TRAF7: variants seen among roughly 807,000 people sequenced by gnomAD.
TRAF7 encodes TNF receptor associated factor 7, also known as E3 ubiquitin-protein ligase TRAF7.
Under a neutral mutation model 89.3 loss-of-function variants are expected in TRAF7, and 45 were observed. That is an observed-to-expected ratio of 0.50 (90% CI 0.40 to 0.65). TRAF7 has a LOEUF of 0.65. TRAF7 is among the 30% of genes least tolerant of loss of function. The pLI is 0.00. For missense variants in TRAF7, 677 were observed against 918.1 expected (o/e 0.74, Z 3.39); for synonymous variants, 406 against 369.2 (o/e 1.10, Z -1.14).
At chr16:2,155,986 G>A (rs1451503652) in intron 1 of TRAF7, 128 bp downstream of exon 1, 1 of 150,934 alleles carries the variant, frequency 6.6e-6, no homozygotes, top group East Asian at 1.9e-4. Context: ...GCGGGGAGGG[G>A]GGGGCGGGGC....
chr16:2,176,297 G>A lies in TRAF7; in HGVS notation c.1911G>A (p.Gln637=). 6.2e-7 allele frequency: 1 copy of A among 1,603,732 alleles called. No homozygotes were observed. The highest frequency in any genetic ancestry group is 8.5e-7 in the Non-Finnish European group (1 of 1,179,268). The change falls in exon 20 of 21, where the codon CAG becomes CAA. Residue 637 remains glutamine, a synonymous_variant. Transcript: ENST00000326181. ...GTATGGACAACATGATCTGCACGCA[G>A]ACCCTGCTGCGTCACCAGGGCAGTG... ...VWSMDNMICT[Q]TLLRHQGSVT...
intron 2 of TRAF7, 90 bp from the exon 3 acceptor site, chr16:2,165,789 G>T (rs1427671882): frequency 8.0e-6 from 12 of 1,493,046 alleles, no homozygotes; most frequent in Non-Finnish European, 1.1e-5. Flanking sequence ...GCCTGGCCTG[G>T]TCGCGTGTTA....
rs2093126334 is a variant in TRAF7 at position 2,174,286 on chromosome 16, G to A, written c.1299G>A (p.Lys433=). The change falls in exon 14 of 21, where the codon AAG becomes AAA. Residue 433 remains lysine (K), a synonymous_variant. Transcript: ENST00000326181. ...CATGTACCACCTACAAGTGTCAGAA[G>A]ACACTGGAGGGCCATGATGGCATCG... ...WDTCTTYKCQ[K]TLEGHDGIVL... The A allele has an allele frequency of 1.9e-6, 3 of 1,613,244 alleles. No individual in the cohort carries two copies. The highest frequency in any genetic ancestry group is 1.1e-5 in the South Asian group (1 of 91,068).
intron 3 of TRAF7, 72 bp downstream of exon 3, chr16:2,166,008 C>A: frequency 6.4e-7 from 1 of 1,574,420 alleles, no homozygotes; most frequent in Non-Finnish European, 8.7e-7. Context: ...CTGCTAAGGA[C>A]TGAGGGACAC....
Position 2,174,247 on chromosome 16 carries a change from G to C in TRAF7, c.1264-4G>C. The C allele has an allele frequency of 6.2e-7, 1 of 1,612,614 alleles. No homozygotes were observed. On this transcript the variant is annotated splice_polypyrimidine_tract_variant and splice_region_variant and intron_variant, in intron 13 of 20. Coordinates refer to ENST00000326181, the MANE Select transcript of TRAF7 (RefSeq NM_032271.3). Reference sequence around the variant, plus strand: ...GGGACCCACTGTGGCCCTGGTCTCTGCAGGTGTGGGACACATGTACCACCT... The same window carrying C: ...GGGACCCACTGTGGCCCTGGTCTCTCCAGGTGTGGGACACATGTACCACCT...
At chr16:2,173,859 T>TGGGGGGGGCCCCCCC in intron 12 of TRAF7, 23 bp downstream of exon 12, 1 of 1,246,212 alleles carries the variant, frequency 8.0e-7, no homozygotes, top group Non-Finnish European at 1.1e-6. Flanking sequence ...CCGCCGTGGC[T>TGGGGGGGGCCCCCCC]CCCGCCCACC....
chr16:2,175,691 G>A (rs2141295962), intron 17 of TRAF7, 69 bp downstream of exon 17: 2 of 1,592,722 alleles, frequency 1.3e-6, no homozygotes, highest in Middle Eastern at 1.8e-4. Flanking sequence ...CCAGCACCTG[G>A]GGCTCCATCT....
rs146381039 is a variant in TRAF7, at chr16:2,159,759, G to T, written c.-39+3901G>T. ...ACAGGCACACCCACCCATGGCTTGC[G>T]CCCCACACATGTTCAGGGGACCCCC... is the stretch of plus-strand genomic sequence containing the variant. On this transcript the variant is annotated intron_variant, in intron 1 of 20. Transcript: ENST00000326181. The surrounding 1 kb of genome is among the most constrained non-coding windows in gnomAD (Gnocchi z 6.5). Among the ~76,000 whole-genome samples the T allele has an allele frequency of 0.016, 2,397 of 152,316 alleles. 43 individuals are homozygous for T. Among genetic ancestry groups the T allele is most frequent in the Non-Finnish European group, 0.023 (1,559 of 68,002 alleles).
chr16:2,168,996 T>A lies in TRAF7; in HGVS notation c.231+828T>A, dbSNP rs910168814. Among the ~76,000 whole-genome samples, 3 of 152,154 alleles carry A rather than the reference T, an allele frequency of 2.0e-5. No homozygotes were observed. The highest frequency in any genetic ancestry group is 2.9e-5 in the Non-Finnish European group (2 of 68,020). On this transcript the variant is annotated intron_variant, in intron 4 of 20. Transcript: ENST00000326181. This position sits in a 1 kb window ranked among gnomAD's most constrained non-coding sequence, Gnocchi z 4.1. ...GGCCTTTTCTTTTTTCCTTTTTTCT[T>A]TTTTTTGAGACGGACTTTTGCTCTT...
Position 2,175,902 on chromosome 16 carries a change from T to G in TRAF7, c.1695T>G (p.Ile565Met). 1 of 1,613,536 alleles carries G rather than the reference T, an allele frequency of 6.2e-7. No individual in the cohort carries two copies. The highest frequency in any genetic ancestry group is 8.5e-7 in the Non-Finnish European group (1 of 1,179,992). The change falls in exon 18 of 21, where the codon ATT becomes ATG. Residue 565 changes from isoleucine (I) to methionine (M), a missense_variant. Physicochemically the swap from Ile to Met is conservative, Grantham distance 10. Around this residue, in one of 6 missense-constraint regions of TRAF7, gnomAD observed 160 missense variants for 263.7 expected, o/e 0.61. Coordinates refer to ENST00000326181, the MANE Select transcript of TRAF7 (RefSeq NM_032271.3). ...CGTCTGGTGGCAGCGTCTACTCCATTGCTGTGACAAATCACCACATTGTCT... is the reference window on the plus strand; with the variant it reads ...CGTCTGGTGGCAGCGTCTACTCCATGGCTGTGACAAATCACCACATTGTCT... ...LQTSGGSVYS[I>M]AVTNHHIVCG...
chr16:2,173,863 G>GCCCCCCCCCCCCC, intron 12 of TRAF7, 27 bp downstream of exon 12: 2 of 894,606 alleles, frequency 2.2e-6, no homozygotes, highest in Non-Finnish European at 3.1e-6. Flanking sequence ...CGTGGCTCCC[G>GCCCCCCCCCCCCC]CCCACCCTCC....
intron 16 of TRAF7, 39 bp from the exon 17 acceptor site, chr16:2,175,461 C>T: frequency 6.2e-7 from 1 of 1,612,318 alleles, no homozygotes. Flanking sequence ...CTGAGGCGTC[C>T]CTTGCCCGCC....
At position 2,159,622 on chromosome 16, in the gene TRAF7, C is replaced by T. The variant is rs886181628; in HGVS notation, c.-39+3764C>T. 2.0e-5 allele frequency among the ~76,000 whole-genome samples: 3 copies of T among 152,150 alleles called. No individual in the cohort carries two copies. The highest frequency in any genetic ancestry group is 1.9e-4 in the East Asian group (1 of 5,190). The stretch of plus-strand genomic sequence containing the variant: ...GCAGGCTCTGTGATGCCAGGGGCCA[C>T]GCTCGGAGCTCTGGCCGCAGTCCAG... On this transcript the variant is annotated intron_variant, in intron 1 of 20. Coordinates refer to ENST00000326181, the MANE Select transcript of TRAF7 (RefSeq NM_032271.3). This position sits in a 1 kb window ranked among gnomAD's most constrained non-coding sequence, Gnocchi z 6.5.
At position 2,159,823 on chromosome 16, in the gene TRAF7, A is replaced by G. The variant is rs533817477; in HGVS notation, c.-39+3965A>G. ...TCCGGGTTGCTGGAGGAGCTGCTTTAAGGCCGGGCCTGGCCCGAGCAGGGA... is the reference window on the plus strand; with the variant it reads ...TCCGGGTTGCTGGAGGAGCTGCTTTGAGGCCGGGCCTGGCCCGAGCAGGGA... On this transcript the variant is annotated intron_variant, in intron 1 of 20. Transcript: ENST00000326181. This position sits in a 1 kb window ranked among gnomAD's most constrained non-coding sequence, Gnocchi z 6.5. Among the ~76,000 whole-genome samples, 5 of 152,320 alleles carry G rather than the reference A, an allele frequency of 3.3e-5. No homozygotes were observed. The highest frequency in any genetic ancestry group is 2.6e-4 in the Admixed American group (4 of 15,310).
rs546729220 is a variant in TRAF7, at chr16:2,159,047, T to C, written c.-39+3189T>C. Among the ~76,000 whole-genome samples, 1 of 152,266 alleles carries C rather than the reference T, an allele frequency of 6.6e-6. No individual in the cohort carries two copies. Among genetic ancestry groups the C allele is most frequent in the Admixed American group, 6.5e-5 (1 of 15,286 alleles). On this transcript the variant is annotated intron_variant, in intron 1 of 20. Transcript: ENST00000326181. The surrounding 1 kb of genome is among the most constrained non-coding windows in gnomAD (Gnocchi z 6.5). ...CAGGGGAAAAAAGGACTGAGAGATGTTGCCAGCCCCCAAGGGGTCGGAGGG... is the reference window on the plus strand; with the variant it reads ...CAGGGGAAAAAAGGACTGAGAGATGCTGCCAGCCCCCAAGGGGTCGGAGGG...
chr16:2,162,707 A>G lies in TRAF7; in HGVS notation c.-38-1176A>G, dbSNP rs1186813363. ...GGCTCCTGCCTTGGGAGCTGAGCCC[A>G]TGGTGTGTCCTCATGGGGTGCTGCG... On this transcript the variant is annotated intron_variant, in intron 1 of 20. Coordinates refer to ENST00000326181, the MANE Select transcript of TRAF7 (RefSeq NM_032271.3). The surrounding 1 kb of genome is among the most constrained non-coding windows in gnomAD (Gnocchi z 5.0). Among the ~76,000 whole-genome samples the G allele has an allele frequency of 2.0e-5, 3 of 151,942 alleles. No individual in the cohort carries two copies. The highest frequency in any genetic ancestry group is 2.4e-5 in the African/African-American group (1 of 41,402).
chr16:2,170,345 GTC>G (rs1462912256), intron 4 of TRAF7, among the ~76,000 whole-genome samples: 6 of 152,260 alleles, frequency 3.9e-5, no homozygotes, highest in Non-Finnish European at 8.8e-5. Context: ...ATAGCAGGAA[GTC>G]TCTCCATTTA....
intron 2 of TRAF7, 143 bp downstream of exon 2, chr16:2,164,144 G>GTA: frequency 1.7e-6 from 1 of 585,060 alleles, no homozygotes; most frequent in African/African-American, 2.2e-5. Context: ...GGTGTGGTGT[G>GTA]TGTGTGTGTG....
intron 14 of TRAF7, among the ~76,000 whole-genome samples, chr16:2,174,827 G>A (rs1007451855): frequency 1.3e-5 from 2 of 152,226 alleles, no homozygotes; most frequent in Non-Finnish European, 2.9e-5. Context: ...CAGCTTGACT[G>A]CCAGCAGCCG....
Sources: allele counts gnomAD v4.1 joint callset (sites outside exome capture counted in the v4.1 genomes callset), GRCh38; gene constraint gnomAD v4.1.1; regional missense constraint gnomAD v4.1.1; non-coding constraint Gnocchi (gnomAD v3.1); transcripts MANE v1.5; gene names NCBI Gene and HGNC (gene_info 2026-07-23, HGNC 2026-07-21).